The following DIPK1A variants were observed in gnomAD, a reference collection of about 807,000 sequenced individuals.
DIPK1A encodes the protein divergent protein kinase domain 1A, also known as family with sequence similarity 69 member A.
DIPK1A carries 27 observed loss-of-function variants against 40.8 expected under a neutral mutation model. The ratio of observed to expected loss-of-function variants is 0.66; its 90% CI spans 0.49 to 0.91. DIPK1A has a LOEUF of 0.91. Among genes scored for constraint, DIPK1A ranks in the 40% least tolerant of loss-of-function variants. The probability of loss-of-function intolerance (pLI) is 0.00; values close to 1 mark genes in which losing one functional copy is unlikely to be tolerated. For missense variants in DIPK1A, 412 were observed against 505.7 expected, an observed-to-expected ratio of 0.81 and a Z score of 1.78; for synonymous variants, 166 against 171.3, an observed-to-expected ratio of 0.97 and a Z score of 0.24.
chr1:92,893,781 A>G (rs1325478048), intron 1 of DIPK1A, among the ~76,000 whole-genome samples: 2 of 152,044 alleles, frequency 1.3e-5, no homozygotes, highest in African/African-American at 2.4e-5. Flanking sequence ...AGACACACAT[A>G]GGCTCAAAAT....
chr1:92,945,834 G>T (rs58478666), intron 1 of DIPK1A, among the ~76,000 whole-genome samples: 1,622 of 152,284 alleles, frequency 0.011, 27 homozygotes, highest in African/African-American at 0.038. Context: ...GTGTAACCAG[G>T]TAATTATTGC....
Position 92,847,180 on chromosome 1 carries a change from T to C in DIPK1A, c.474+3A>G. 6.6e-7 allele frequency: 1 copy of C among 1,523,222 alleles called. No homozygotes were observed. The highest frequency in any genetic ancestry group is 1.3e-5 in the South Asian group (1 of 78,850). 94.4% of individuals were successfully genotyped at this position (1,523,222 alleles called of 1,614,324 possible). ...CTAGCAACATATGAATGGGTATGCT[T>C]ACCTTAAAGAGACTATAGACCATTT... On this transcript the variant is annotated splice_donor_region_variant and intron_variant, in intron 4 of 4. Coordinates refer to ENST00000370310, the MANE Select transcript of DIPK1A (RefSeq NM_001006605.5).
intron 1 of DIPK1A, among the ~76,000 whole-genome samples, chr1:92,944,685 T>G (rs1475157995): frequency 6.6e-6 from 1 of 152,138 alleles, no homozygotes; most frequent in Non-Finnish European, 1.5e-5. Flanking sequence ...CAGGCTGGAG[T>G]GCAGTGGTGC....
At chr1:92,876,109 C>T (rs1328638456) in intron 2 of DIPK1A, among the ~76,000 whole-genome samples, 187 bp downstream of exon 2, 1 of 151,328 alleles carries the variant, frequency 6.6e-6, no homozygotes, top group Non-Finnish European at 1.5e-5. Context: ...ATTTAAATTT[C>T]TGAACACTGG....
intron 1 of DIPK1A, among the ~76,000 whole-genome samples, chr1:92,937,884 T>C (rs1006693894): frequency 2.0e-5 from 3 of 152,116 alleles, no homozygotes; most frequent in Non-Finnish European, 4.4e-5. Context: ...CTTGGATAAA[T>C]ACCAAAGTAT....
intron 4 of DIPK1A, among the ~76,000 whole-genome samples, chr1:92,844,753 TTATC>T (rs1263364318): frequency 6.6e-6 from 1 of 152,044 alleles, no homozygotes; most frequent in Non-Finnish European, 1.5e-5. Context: ...TATTTTGTAT[TTATC>T]ACAATAATTA....
chr1:92,922,317 G>A (rs1475805370), intron 1 of DIPK1A, among the ~76,000 whole-genome samples: 1 of 143,620 alleles, frequency 7.0e-6, no homozygotes, highest in Non-Finnish European at 1.5e-5. Flanking sequence ...AGTTTTTTTG[G>A]AGAAATTTTT....
chr1:92,870,214 T>C (rs1380312792), intron 2 of DIPK1A, among the ~76,000 whole-genome samples: 1 of 152,186 alleles, frequency 6.6e-6, no homozygotes, highest in Non-Finnish European at 1.5e-5. Flanking sequence ...CAGATGTCTC[T>C]CTTATAGCTG....
At chr1:92,915,955 C>G (rs1650037601) in intron 1 of DIPK1A, among the ~76,000 whole-genome samples, 1 of 152,110 alleles carries the variant, frequency 6.6e-6, no homozygotes, top group Non-Finnish European at 1.5e-5. Context: ...AGTATTGATA[C>G]ATGCTACAAC....
At chr1:92,898,097 TCAAAAAAAACAAAAAACAAACAAA>T (rs113068110) in intron 1 of DIPK1A, among the ~76,000 whole-genome samples, 103,418 of 151,098 alleles carry the variant, frequency 0.68, 35,927 homozygotes, top group East Asian at 0.95. Flanking sequence ...AGACTCCATC[TCAAAAAAAACAAAAAACAAACAAA>T]CAAAAAAAAC....
chr1:92,903,277 C>A (rs937230349), intron 1 of DIPK1A, among the ~76,000 whole-genome samples: 2 of 152,138 alleles, frequency 1.3e-5, no homozygotes, highest in African/African-American at 2.4e-5. Flanking sequence ...AACTCCTGGG[C>A]TCAAGAAATC....
intron 1 of DIPK1A, among the ~76,000 whole-genome samples, chr1:92,917,172 C>A (rs1650086739): frequency 1.3e-5 from 2 of 152,088 alleles, no homozygotes; most frequent in South Asian, 4.1e-4. Flanking sequence ...CTAACTCTTC[C>A]CCCTATGTTG....
At chr1:92,875,575 G>A (rs1190884018) in intron 2 of DIPK1A, among the ~76,000 whole-genome samples, 3 of 151,984 alleles carry the variant, frequency 2.0e-5, no homozygotes, top group Non-Finnish European at 2.9e-5. Flanking sequence ...AAATTAGCCA[G>A]GCGTGGTAGT....
At chr1:92,873,083 C>T (rs1472772179) in intron 2 of DIPK1A, among the ~76,000 whole-genome samples, 2 of 152,108 alleles carry the variant, frequency 1.3e-5, no homozygotes, top group Non-Finnish European at 1.5e-5. Flanking sequence ...AAATTCCCCC[C>T]AGGGTAAAAG....
At position 92,843,244 on chromosome 1, in the gene DIPK1A, C is replaced by T; in HGVS notation, c.*139G>A. On this transcript the variant is annotated 3_prime_UTR_variant, in exon 5 of 5. Coordinates refer to ENST00000370310, the MANE Select transcript of DIPK1A (RefSeq NM_001006605.5). ...CTACACCTGCCATTACTTCAGTGAT[C>T]ACATACTGATGGCTTCTCAGGCCTG... The T allele has an allele frequency of 7.0e-7, 1 of 1,436,524 alleles. No homozygotes were observed. The highest frequency in any genetic ancestry group is 9.1e-7 in the Non-Finnish European group (1 of 1,094,986). 89.0% of individuals were successfully genotyped at this position (1,436,524 alleles called of 1,614,324 possible). A position where few individuals can be genotyped will look rare whatever the true frequency, so the allele number is the denominator to read the frequency against.
chr1:92,845,567 G>A (rs1215730824), intron 4 of DIPK1A: 2 of 328,444 alleles, frequency 6.1e-6, no homozygotes, highest in African/African-American at 2.3e-5. Flanking sequence ...TGCTGGATGC[G>A]GTGGCTCACG....
rs1049456197 is a variant in DIPK1A, at chr1:92,902,431, C to T, written c.55-26001G>A. On this transcript the variant is annotated intron_variant, in intron 1 of 4. Coordinates refer to ENST00000370310, the MANE Select transcript of DIPK1A (RefSeq NM_001006605.5). ...TGAAGGGGAGCTGTGGCTACTCACC[C>T]ATGGAGGAAGACACACTCCAGACAC... Among the ~76,000 whole-genome samples, 7 of 152,124 alleles carry T rather than the reference C, an allele frequency of 4.6e-5. No homozygotes were observed. The East Asian group carries it at 7.7e-4, about 17-fold the overall frequency.
At chr1:92,876,994 A>T (rs1345109847) in intron 1 of DIPK1A, 2 of 985,306 alleles carry the variant, frequency 2.0e-6, no homozygotes, top group Non-Finnish European at 2.4e-6. Flanking sequence ...CAGCGAACCA[A>T]ATGTTTCACC....
At chr1:92,886,728 A>G (rs1266052374) in intron 1 of DIPK1A, among the ~76,000 whole-genome samples, 1 of 152,140 alleles carries the variant, frequency 6.6e-6, no homozygotes, top group Non-Finnish European at 1.5e-5. Flanking sequence ...ATATATTAAT[A>G]TACTTAATCC....
Sources: gnomAD v4.1 joint callset for allele counts (sites outside exome capture counted in the v4.1 genomes callset) on GRCh38, gnomAD v4.1.1 for gene constraint, MANE v1.5 for transcripts, NCBI Gene and HGNC (gene_info 2026-07-23, HGNC 2026-07-21) for gene names.